SKAP1: variants seen among roughly 807,000 people sequenced by gnomAD.
SKAP1 encodes src kinase-associated phosphoprotein 1.
A neutral mutation model predicts 58.5 loss-of-function variants in SKAP1; 44 were observed. That is an observed-to-expected ratio of 0.75 (90% CI 0.59 to 0.97). SKAP1 has a LOEUF of 0.97. SKAP1 is among the 50% of genes least tolerant of loss of function. The pLI is 0.00. For synonymous variants in SKAP1, 127 were observed against 149.7 expected (o/e 0.85, Z 1.11); for missense variants, 390 against 435.2 (o/e 0.90, Z 0.92).
At chr17:48,153,286 C>G (rs2063926985) in intron 11 of SKAP1, among the ~76,000 whole-genome samples, 1 of 152,110 alleles carries the variant, frequency 6.6e-6, no homozygotes, top group South Asian at 2.1e-4. Context: ...AACACCCTCT[C>G]CCTTTTGTCC....
At chr17:48,254,392 A>G (rs1234648523) in intron 4 of SKAP1, among the ~76,000 whole-genome samples, 1 of 152,156 alleles carries the variant, frequency 6.6e-6, no homozygotes, top group Non-Finnish European at 1.5e-5. Flanking sequence ...TTAAATCTCT[A>G]AATCTTGCCT....
intron 9 of SKAP1, among the ~76,000 whole-genome samples, chr17:48,175,271 T>A (rs1643772796): frequency 6.6e-6 from 1 of 152,122 alleles, no homozygotes; most frequent in African/African-American, 2.4e-5. Context: ...AAGAAAGTGA[T>A]AAAAGCTTCA....
At chr17:48,385,187 C>A (rs1161815921) in intron 2 of SKAP1, among the ~76,000 whole-genome samples, 1 of 152,034 alleles carries the variant, frequency 6.6e-6, no homozygotes, top group Non-Finnish European at 1.5e-5. Context: ...GACCTGGGTA[C>A]ATTGGAGAAA....
At chr17:48,266,117 AACACACACCCACACCT>A (rs1414662028) in intron 4 of SKAP1, among the ~76,000 whole-genome samples, 2 of 151,878 alleles carry the variant, frequency 1.3e-5, no homozygotes, top group South Asian at 2.1e-4. Context: ...AGATAATCTA[AACACACACCCACACCT>A]ACACACACCC....
intron 4 of SKAP1, among the ~76,000 whole-genome samples, chr17:48,225,574 A>C (rs1261742902): frequency 2.6e-5 from 4 of 152,164 alleles, no homozygotes; most frequent in Admixed American, 1.3e-4. Context: ...GATTATGCGG[A>C]GGGCCCATGA....
intron 1 of SKAP1, 104 bp downstream of exon 1, chr17:48,429,971 G>A: frequency 1.0e-6 from 1 of 968,560 alleles, no homozygotes; most frequent in Non-Finnish European, 1.4e-6. Context: ...GGTTCTAGAA[G>A]GAGGTGAGTG....
intron 11 of SKAP1, among the ~76,000 whole-genome samples, chr17:48,151,042 C>T (rs944968434): frequency 1.3e-5 from 2 of 151,724 alleles, no homozygotes; most frequent in Non-Finnish European, 2.9e-5. Flanking sequence ...AACCTCCCTC[C>T]CCTTCCAAAG....
intron 4 of SKAP1, among the ~76,000 whole-genome samples, chr17:48,298,488 A>G (rs943745709): frequency 3.9e-5 from 6 of 152,274 alleles, no homozygotes; most frequent in Non-Finnish European, 8.8e-5. Flanking sequence ...ACTATAAAAT[A>G]AGAATAGTTA....
At chr17:48,198,168 G>A (rs899745814) in intron 4 of SKAP1, among the ~76,000 whole-genome samples, 1 of 152,100 alleles carries the variant, frequency 6.6e-6, no homozygotes, top group Non-Finnish European at 1.5e-5. Flanking sequence ...AATAAGAATG[G>A]GTTTTGGCCG....
chr17:48,362,514 C>T (rs1023912389), intron 3 of SKAP1, among the ~76,000 whole-genome samples: 7 of 152,204 alleles, frequency 4.6e-5, no homozygotes, highest in African/African-American at 7.2e-5. Flanking sequence ...TCACATTTTG[C>T]GAAGCAAATT....
chr17:48,429,862 A>G (rs529299999), intron 1 of SKAP1, among the ~76,000 whole-genome samples: 45 of 152,296 alleles, frequency 3.0e-4, no homozygotes, highest in Admixed American at 9.1e-4. Flanking sequence ...GAGGTGCCTC[A>G]AGGCAAAAGA....
At chr17:48,381,052 GGAGATTTGTC>G (rs1241398483) in intron 2 of SKAP1, among the ~76,000 whole-genome samples, 1 of 152,182 alleles carries the variant, frequency 6.6e-6, no homozygotes. Context: ...GTATGGCAAA[GGAGATTTGTC>G]TTCCTTCTCT....
rs568339950 is a variant in SKAP1, at chr17:48,395,452, C to A, written c.152+1228G>T. ...AATTTAAAATAATTCCACCTTTATT[C>A]CGCAAGCCACCCTTAGAGTAATCAT... On this transcript the variant is annotated intron_variant, in intron 2 of 12. Transcript: ENST00000336915. Among the ~76,000 whole-genome samples the A allele has an allele frequency of 1.6e-3, 246 of 152,184 alleles. 1 individual carries two copies. The highest frequency in any genetic ancestry group is 5.8e-3 in the African/African-American group (241 of 41,502).
intron 4 of SKAP1, among the ~76,000 whole-genome samples, chr17:48,300,211 G>A (rs768902414): frequency 9.9e-5 from 15 of 152,060 alleles, no homozygotes; most frequent in Non-Finnish European, 1.6e-4. Flanking sequence ...TGCAGCATGG[G>A]GAGAATGTGG....
chr17:48,345,908 C>G lies in SKAP1; in HGVS notation c.277G>C (p.Glu93Gln). The G allele has an allele frequency of 1.2e-6, 2 of 1,606,504 alleles. No homozygotes were observed. Among genetic ancestry groups the G allele is most frequent in the Non-Finnish European group, 1.7e-6 (2 of 1,173,400 alleles). Residue 93 changes from glutamate (E) to glutamine (Q), a missense_variant, in exon 4 of 13, where the codon GAG becomes CAG. By Grantham distance (29) the Glu-to-Gln change is conservative. Transcript: ENST00000336915. ...AATCCAGAAGGATAACACTCACCCTCATCCTGATAATCTGACAAAAAGGGT... is the reference window on the plus strand; with the variant it reads ...AATCCAGAAGGATAACACTCACCCTGATCCTGATAATCTGACAAAAAGGGT... ...DAPFLSDYQD[E>Q]GMEDIVKGAQ...
At chr17:48,407,316 A>G (rs1398571519) in intron 1 of SKAP1, among the ~76,000 whole-genome samples, 1 of 152,236 alleles carries the variant, frequency 6.6e-6, no homozygotes, top group Non-Finnish European at 1.5e-5. Context: ...CTATGGGGAA[A>G]AGGAGGAAGG....
At chr17:48,304,807 A>G (rs2066114005) in intron 4 of SKAP1, among the ~76,000 whole-genome samples, 1 of 152,188 alleles carries the variant, frequency 6.6e-6, no homozygotes, top group Admixed American at 6.6e-5. Flanking sequence ...TGGAGCTAGG[A>G]AGTCATTGAA....
chr17:48,432,117 C>G (rs1468763904), upstream of SKAP1, among the ~76,000 whole-genome samples: 1 of 152,196 alleles, frequency 6.6e-6, no homozygotes, highest in African/African-American at 2.4e-5. Context: ...TGCTCATCCT[C>G]CTTCCTGCCC....
In SKAP1 at chr17:48,183,411, C is replaced by A. The variant is rs563048724; in HGVS notation, c.568-954G>T. The stretch of plus-strand genomic sequence containing the variant: ...ATTCTGATTAACAAAATAGGCCAGT[C>A]AAGCATCAGCCTTTAGTAATTTTTT... On this transcript the variant is annotated intron_variant, in intron 7 of 12. Transcript: ENST00000336915. Among the ~76,000 whole-genome samples the A allele has an allele frequency of 4.6e-5, 7 of 152,250 alleles. No homozygotes were observed. In the South Asian group the frequency reaches 1.5e-3, roughly 32 times the overall value.
Sources: gnomAD v4.1 joint callset for allele counts (sites outside exome capture counted in the v4.1 genomes callset) on GRCh38, gnomAD v4.1.1 for gene constraint, MANE v1.5 for transcripts, NCBI Gene and HGNC (gene_info 2026-07-23, HGNC 2026-07-21) for gene names.